The following NRK variants were observed in gnomAD, a reference collection of about 807,000 sequenced individuals.
The protein encoded by NRK is nik-related protein kinase.
NRK carries 67 observed loss-of-function variants against 125.2 expected under a neutral mutation model. The observed-to-expected ratio is 0.54, with a 90% CI of 0.44 to 0.66. NRK has a LOEUF of 0.66. Ranked by LOEUF, NRK falls within the 30% of genes least tolerant of loss-of-function variation. NRK has a pLI of 0.00. For missense variants in NRK, 1,224 were observed against 1,192.9 expected (o/e 1.03, Z -0.38); for synonymous variants, 458 against 429.0 (o/e 1.07, Z -0.84).
At chrX:105,843,015 G>T (rs1463404129) in intron 2 of NRK, among the ~76,000 whole-genome samples, 4 of 111,391 alleles carry the variant, frequency 3.6e-5, no homozygotes, top group Non-Finnish European at 7.5e-5. Flanking sequence ...GGATGCCTAA[G>T]AATTCGTTAG....
chrX:105,926,807 A>C (rs1177055101), intron 19 of NRK, among the ~76,000 whole-genome samples: 1 of 111,324 alleles, frequency 9.0e-6, no homozygotes, highest in Non-Finnish European at 1.9e-5. Context: ...ACAATGAGAT[A>C]AATGAATATG....
At chrX:105,897,394 G>T (rs767142239) in intron 7 of NRK, among the ~76,000 whole-genome samples, 1 of 112,361 alleles carries the variant, frequency 8.9e-6, no homozygotes, top group Non-Finnish European at 1.9e-5. Flanking sequence ...TATTGCAGTT[G>T]CAATTGCTCG....
rs774165456 is a variant in NRK, at chrX:105,939,857, A to T, written c.3800-17A>T. ...GAAAGACTGATTTTAAATACTGTATATTTTCTTATCTATCAGGTCATAAGA... is the reference window on the plus strand; with the variant it reads ...GAAAGACTGATTTTAAATACTGTATTTTTTCTTATCTATCAGGTCATAAGA... On this transcript the variant is annotated splice_polypyrimidine_tract_variant and intron_variant, in intron 22 of 28. Coordinates refer to ENST00000243300, the MANE Select transcript of NRK (RefSeq NM_198465.4). 4 of 1,044,092 alleles carry T rather than the reference A, an allele frequency of 3.8e-6. No homozygotes were observed. Among genetic ancestry groups the T allele is most frequent in the Non-Finnish European group, 5.2e-6 (4 of 769,032 alleles). 86.0% of individuals were successfully genotyped at this position (1,044,092 alleles called of 1,213,427 possible). A position where few individuals can be genotyped will look rare whatever the true frequency, so the allele number is the denominator to read the frequency against.
chrX:105,896,229 A>G (rs776884809), intron 7 of NRK, among the ~76,000 whole-genome samples: 1 of 112,143 alleles, frequency 8.9e-6, no homozygotes, highest in African/African-American at 3.2e-5. Context: ...GAATAATACC[A>G]TAAAAATCAT....
chrX:105,906,728 A>G (rs1602658996), intron 11 of NRK, 139 bp downstream of exon 11: 3 of 361,912 alleles, frequency 8.3e-6, no homozygotes, highest in Non-Finnish European at 9.7e-6. Context: ...AGTTTTGCCA[A>G]TAATATGCCA....
intron 2 of NRK, among the ~76,000 whole-genome samples, chrX:105,868,087 G>A (rs2039695831): frequency 9.0e-6 from 1 of 110,826 alleles, no homozygotes; most frequent in South Asian, 3.8e-4. Context: ...ATATTTCCTT[G>A]CTTTCTACAT....
chrX:105,908,733 C>A lies in NRK; in HGVS notation c.1092C>A (p.Pro364=). Residue 364 remains proline, a synonymous_variant, in exon 13 of 29, where the codon CCC becomes CCA. Coordinates refer to ENST00000243300, the MANE Select transcript of NRK (RefSeq NM_198465.4). ...EQYTVRRFRG[P]SCTHELLRLP... is the part of the protein sequence containing the mutation. ...ATTTGTGTGTTTATTTTAGAGGACC[C>A]TCTTGCACTCACGAGCTTCTGAGAT... The A allele has an allele frequency of 8.4e-7, 1 of 1,193,712 alleles. No homozygotes were observed. Among genetic ancestry groups the A allele is most frequent in the East Asian group, 3.0e-5 (1 of 33,500 alleles).
Position 105,825,846 on chromosome X carries a change from T to C in NRK, c.57+2944T>C, listed in dbSNP as rs774928041. Among the ~76,000 whole-genome samples the C allele has an allele frequency of 1.2e-4, 13 of 110,060 alleles. No homozygotes were observed. In the East Asian group the frequency reaches 3.7e-3, roughly 31 times the overall value. On this transcript the variant is annotated intron_variant, in intron 1 of 28. Transcript: ENST00000243300. Reference sequence around the variant, plus strand: ...GTTACTGTAATTTTCTGATTTTCTATTGAATAAATATTTTCTATAGGTGAA... The same window carrying C: ...GTTACTGTAATTTTCTGATTTTCTACTGAATAAATATTTTCTATAGGTGAA...
chrX:105,918,055 G>A (rs898206285), intron 16 of NRK, among the ~76,000 whole-genome samples: 11 of 110,694 alleles, frequency 9.9e-5, no homozygotes, highest in African/African-American at 3.0e-4. Flanking sequence ...GGAGTTGTGA[G>A]TGTGTGTTTC....
chrX:105,888,047 G>A (rs1294548634), intron 4 of NRK, among the ~76,000 whole-genome samples: 4 of 112,264 alleles, frequency 3.6e-5, no homozygotes, highest in Non-Finnish European at 7.5e-5. Context: ...AGTGCCGCTG[G>A]TCCAGGGACC....
At chrX:105,902,454 A>T (rs1163291754) in intron 9 of NRK, among the ~76,000 whole-genome samples, 4 of 112,309 alleles carry the variant, frequency 3.6e-5, no homozygotes, top group Non-Finnish European at 7.5e-5. Context: ...GGTTATGATA[A>T]TTATTATCTC....
intron 28 of NRK, among the ~76,000 whole-genome samples, chrX:105,953,739 A>AT (rs1418404778): frequency 8.9e-6 from 1 of 111,965 alleles, no homozygotes; most frequent in East Asian, 2.8e-4. Context: ...AATTTGATCA[A>AT]TTTTAACAAC....
intron 14 of NRK, among the ~76,000 whole-genome samples, chrX:105,913,849 GT>G (rs768048919): frequency 1.4e-4 from 16 of 110,816 alleles, no homozygotes; most frequent in Non-Finnish European, 2.8e-4. Context: ...GTTTTGTTTT[GT>G]TTTGTTTTAC....
Position 105,955,528 on chromosome X carries a change from C to T in NRK, c.4677C>T (p.Arg1559=). 8.4e-7 allele frequency: 1 copy of T among 1,191,224 alleles called. No individual in the cohort carries two copies. Residue 1559 remains arginine (R), a synonymous_variant, in exon 29 of 29, where the codon CGC becomes CGT. Coordinates refer to ENST00000243300, the MANE Select transcript of NRK (RefSeq NM_198465.4). Reference sequence around the variant, plus strand: ...AGCTGTTCTTTACCTCTACCCTGCGCAATCACCACAGCCGGGTTTACTTCA... The same window carrying T: ...AGCTGTTCTTTACCTCTACCCTGCGTAATCACCACAGCCGGGTTTACTTCA... ...GDKLFFTSTL[R]NHHSRVYFMT...
chrX:105,913,937 T>G (rs1045700699), intron 14 of NRK, among the ~76,000 whole-genome samples: 3 of 111,099 alleles, frequency 2.7e-5, no homozygotes, highest in African/African-American at 9.8e-5. Context: ...AGTATCCTAT[T>G]TAGAACATAT....
intron 2 of NRK, among the ~76,000 whole-genome samples, chrX:105,850,065 G>A (rs1409641456): frequency 8.9e-6 from 1 of 112,311 alleles, no homozygotes; most frequent in Non-Finnish European, 1.9e-5. Flanking sequence ...CCCCACCCCT[G>A]CGGCAAACCT....
intron 2 of NRK, among the ~76,000 whole-genome samples, chrX:105,836,711 A>C (rs916819963): frequency 2.7e-5 from 3 of 112,379 alleles, no homozygotes; most frequent in Non-Finnish European, 5.6e-5. Flanking sequence ...ATTGTGGTGA[A>C]AAAAGGGCGT....
chrX:105,924,602 G>A lies in NRK; in HGVS notation c.2976-93G>A, dbSNP rs73533177. 1.9e-4 allele frequency: 135 copies of A among 695,928 alleles called. 1 individual carries two copies. The South Asian group carries it at 3.0e-3, about 16-fold the overall frequency. 57.4% of individuals were successfully genotyped at this position (695,928 alleles called of 1,213,427 possible). ...AGACAAGCCTGGGCATGGTAGATATGTATAAGACACATCCTAATTCTGTTG... is the reference window on the plus strand; with the variant it reads ...AGACAAGCCTGGGCATGGTAGATATATATAAGACACATCCTAATTCTGTTG... On this transcript the variant is annotated intron_variant, in intron 18 of 28. Transcript: ENST00000243300.
intron 27 of NRK, among the ~76,000 whole-genome samples, chrX:105,950,568 GTGTGTGTGTGGA>G (rs1375241490): frequency 3.0e-5 from 3 of 101,255 alleles, no homozygotes; most frequent in Non-Finnish European, 5.8e-5. Context: ...GTGTGTGTGT[GTGTGTGTGTGGA>G]GAGAGAGAGA....
Sources: gnomAD v4.1 joint callset for allele counts (sites outside exome capture counted in the v4.1 genomes callset) on GRCh38, gnomAD v4.1.1 for gene constraint, MANE v1.5 for transcripts, NCBI Gene and HGNC (gene_info 2026-07-23, HGNC 2026-07-21) for gene names.